The following MMP11 variants were observed in gnomAD, a reference collection of about 807,000 sequenced individuals.
The protein encoded by MMP11 is matrix metallopeptidase 11, also known as stromelysin-3.
MMP11 carries 26 observed loss-of-function variants against 49.5 expected under a neutral mutation model. That is an observed-to-expected ratio of 0.52 (90% CI 0.38 to 0.73). MMP11 has a LOEUF of 0.73. MMP11 is among the 30% of genes least tolerant of loss of function. The pLI is 0.00. For synonymous variants in MMP11, 265 were observed against 282.3 expected, an observed-to-expected ratio of 0.94 and a Z score of 0.62; for missense variants, 624 against 671.2, an observed-to-expected ratio of 0.93 and a Z score of 0.78.
chr22:23,775,432 T>A (rs1927377786), intron 1 of MMP11, among the ~76,000 whole-genome samples: 1 of 152,202 alleles, frequency 6.6e-6, no homozygotes, highest in Non-Finnish European at 1.5e-5. Context: ...AGTTAGGGCA[T>A]CTGGCCCCAG....
rs763402119 is a variant in MMP11 at position 23,781,065 on chromosome 22, G to T, written c.823G>T (p.Ala275Ser). The T allele has an allele frequency of 1.1e-5, 18 of 1,609,798 alleles. No homozygotes were observed. Among genetic ancestry groups the T allele is most frequent in the South Asian group, 6.6e-5 (6 of 91,066 alleles). Residue 275 changes from alanine (A) to serine (S), a missense_variant, in exon 5 of 8, where the codon GCT (alanine) becomes TCT (serine). Coordinates refer to ENST00000215743, the MANE Select transcript of MMP11 (RefSeq NM_005940.5). The part of the protein sequence containing the change: ...TSRTPALGPQ[A>S]GIDTNEIAPL... ...CAGGACCCCAGCCCTGGGCCCCCAGGCTGGGATAGACACCAATGAGATTGC... is the reference window on the plus strand; with the variant it reads ...CAGGACCCCAGCCCTGGGCCCCCAGTCTGGGATAGACACCAATGAGATTGC...
chr22:23,782,778 G>A (rs1213126914), intron 7 of MMP11: 2 of 514,876 alleles, frequency 3.9e-6, no homozygotes, highest in Admixed American at 3.5e-5. Context: ...CTCCTTACTG[G>A]TCTCATCCAG....
chr22:23,780,466 A>ACGAGGGCC lies in MMP11; in HGVS notation c.447_454dup (p.Arg152ProfsTer8). 1.9e-6 allele frequency: 3 copies of ACGAGGGCC among 1,614,054 alleles called. No individual in the cohort carries two copies. The highest frequency in any genetic ancestry group is 2.5e-6 in the Non-Finnish European group (3 of 1,180,040). On this transcript the variant is annotated frameshift_variant, in exon 3 of 8. Coordinates refer to ENST00000215743, the MANE Select transcript of MMP11 (RefSeq NM_005940.5). LOFTEE classifies it high-confidence loss of function. This position sits in a 1 kb window ranked among gnomAD's most constrained non-coding sequence, Gnocchi z 4.6. ...ACGCCACTCACCTTTACTGAGGTGC[A>ACGAGGGCC]CGAGGGCCGTGCTGACATCATGATC... is the stretch of plus-strand genomic sequence containing the variant.
intron 6 of MMP11, chr22:23,782,003 C>T (rs538835729): frequency 4.3e-6 from 3 of 691,484 alleles, no homozygotes; most frequent in East Asian, 2.7e-5. Flanking sequence ...TGAGAGTAAC[C>T]TCACCCGTGC....
rs1325899869 is a variant in MMP11, at chr22:23,782,396, C to G, written c.1246C>G (p.Arg416Gly). 1.9e-6 allele frequency: 3 copies of G among 1,613,824 alleles called. No individual in the cohort carries two copies. Among genetic ancestry groups the G allele is most frequent in the South Asian group, 2.2e-5 (2 of 91,082 alleles). ...RDYWRFHPSTRRVDSPVPRRA... is the reference protein window; with the variant it reads ...RDYWRFHPSTGRVDSPVPRRA... ...CTACTGGCGTTTCCACCCCAGCACC[C>G]GGCGTGTAGACAGTCCCGTGCCCCG... Residue 416 changes from arginine (R) to glycine (G), a missense_variant, in exon 7 of 8, where the codon CGG (arginine) becomes GGG (glycine). Transcript: ENST00000215743.
rs368336628 is a variant in MMP11, at chr22:23,783,395, C to T, written c.1334-16C>T. 123 of 1,613,512 alleles carry T rather than the reference C, an allele frequency of 7.6e-5. No homozygotes were observed. The African/African-American group carries it at 1.1e-3, about 15-fold the overall frequency. On this transcript the variant is annotated splice_polypyrimidine_tract_variant and intron_variant, in intron 7 of 7. Transcript: ENST00000215743. Reference sequence around the variant, plus strand: ...CAGTGTCCGCTCGCCCAGGCTTGACCACCTTCTCTTCTCAGGCTATGCCTA... The same window carrying T: ...CAGTGTCCGCTCGCCCAGGCTTGACTACCTTCTCTTCTCAGGCTATGCCTA...
rs937117899 is a variant in MMP11, at chr22:23,780,961, G to A, written c.719G>A (p.Arg240His). The A allele has an allele frequency of 1.2e-5, 20 of 1,613,634 alleles. No individual in the cohort carries two copies. Among genetic ancestry groups the A allele is most frequent in the African/African-American group, 2.7e-5 (2 of 74,916 alleles). Residue 240 changes from arginine to histidine, a missense_variant, in exon 5 of 8, where the codon CGC becomes CAC. By Grantham distance (29) the Arg-to-His change is conservative (BLOSUM62 0). Transcript: ENST00000215743. This position sits in a 1 kb window ranked among gnomAD's most constrained non-coding sequence, Gnocchi z 4.6. Reference protein sequence around the residue: ...KALMSAFYTFRYPLSLSPDDC... With the variant: ...KALMSAFYTFHYPLSLSPDDC... Reference sequence around the variant, plus strand: ...CTGATGTCCGCCTTCTACACCTTTCGCTACCCACTGAGTCTCAGCCCAGAT... The same window carrying A: ...CTGATGTCCGCCTTCTACACCTTTCACTACCCACTGAGTCTCAGCCCAGAT...
At chr22:23,782,586 C>T in intron 7 of MMP11, 103 bp downstream of exon 7, 2 of 1,393,244 alleles carry the variant, frequency 1.4e-6, no homozygotes, top group Non-Finnish European at 9.6e-7. Context: ...AAGTCTGGCT[C>T]TTCATCACAG....
At chr22:23,779,874 A>G (rs1172703537) in intron 2 of MMP11, 1 of 257,504 alleles carries the variant, frequency 3.9e-6, no homozygotes, top group African/African-American at 2.2e-5. Context: ...GGGGAGAGGC[A>G]ATAGTGGGCA....
intron 2 of MMP11, chr22:23,779,688 C>T: frequency 1.9e-6 from 1 of 529,000 alleles, no homozygotes; most frequent in Non-Finnish European, 3.4e-6. Flanking sequence ...GACGGGTGTT[C>T]AGTCACTCAG....
At position 23,783,539 on chromosome 22, in the gene MMP11, C is replaced by T. The variant is rs1267189906; in HGVS notation, c.1462C>T (p.Leu488Phe). 1.9e-6 allele frequency: 3 copies of T among 1,614,112 alleles called. No homozygotes were observed. Among genetic ancestry groups the T allele is most frequent in the Middle Eastern group, 3.3e-4 (2 of 6,082 alleles). The part of the protein sequence containing the change: ...FGCAEPANTF[L>F] ...CTGTGCCGAGCCTGCCAACACTTTC[C>T]TCTGACCATGGCTTGGATGCCCTCA... Residue 488 changes from leucine (L) to phenylalanine (F), a missense_variant, in exon 8 of 8, where the codon CTC (leucine) becomes TTC (phenylalanine). Coordinates refer to ENST00000215743, the MANE Select transcript of MMP11 (RefSeq NM_005940.5).
Position 23,783,620 on chromosome 22 carries a change from T to C in MMP11, c.*76T>C. 6.3e-7 allele frequency: 1 copy of C among 1,579,880 alleles called. No homozygotes were observed. Among genetic ancestry groups the C allele is most frequent in the South Asian group, 1.1e-5 (1 of 90,420 alleles). ...TCAGGCTAGAGACCCATGGCCATCT[T>C]TGTGGCTGTGGGCACCAGGCATGGG... On this transcript the variant is annotated 3_prime_UTR_variant, in exon 8 of 8. Transcript: ENST00000215743.
Position 23,780,342 on chromosome 22 carries a change from C to T in MMP11, c.339-17C>T, listed in dbSNP as rs1927570415. ...CTGTCCCTTCCCTGAGGCCCAGGCC[C>T]CTCCATCTCCCTCCAGGATCCTTCG... On this transcript the variant is annotated splice_polypyrimidine_tract_variant and intron_variant, in intron 2 of 7. Coordinates refer to ENST00000215743, the MANE Select transcript of MMP11 (RefSeq NM_005940.5). This position sits in a 1 kb window ranked among gnomAD's most constrained non-coding sequence, Gnocchi z 4.6. 1 of 1,612,176 alleles carries T rather than the reference C, an allele frequency of 6.2e-7. No individual in the cohort carries two copies. The highest frequency in any genetic ancestry group is 1.3e-5 in the African/African-American group (1 of 74,884).
rs1927532437 is a variant in MMP11 at position 23,779,354 on chromosome 22, C to T, written c.276C>T (p.Arg92=). ...VPDPSDGLSA[R]NRQKRFVLSG... ...ACCCATCTGATGGGCTGAGTGCCCG[C>T]AACCGACAGAAGAGGTTCGTGCTTT... The change falls in exon 2 of 8, where the codon CGC becomes CGT. Residue 92 remains arginine, a synonymous_variant. Coordinates refer to ENST00000215743, the MANE Select transcript of MMP11 (RefSeq NM_005940.5). 6.2e-7 allele frequency: 1 copy of T among 1,613,194 alleles called. No individual in the cohort carries two copies. The highest frequency in any genetic ancestry group is 1.3e-5 in the African/African-American group (1 of 75,064).
Position 23,782,349 on chromosome 22 carries a change from T to C in MMP11, c.1199T>C (p.Ile400Thr), listed in dbSNP as rs1927668297. ...ALVWGPEKNK[I>T]YFFRGRDYWR... ...GTCTGGGGTCCCGAGAAGAACAAGA[T>C]CTACTTCTTCCGAGGCAGGGACTAC... The change falls in exon 7 of 8, where the codon ATC becomes ACC. Residue 400 changes from isoleucine (I) to threonine (T), a missense_variant. Coordinates refer to ENST00000215743, the MANE Select transcript of MMP11 (RefSeq NM_005940.5). 1.9e-6 allele frequency: 3 copies of C among 1,613,812 alleles called. No homozygotes were observed. Among genetic ancestry groups the C allele is most frequent in the Non-Finnish European group, 2.5e-6 (3 of 1,180,010 alleles).
At chr22:23,775,579 G>A (rs1927382534) in intron 1 of MMP11, among the ~76,000 whole-genome samples, 1 of 152,250 alleles carries the variant, frequency 6.6e-6, no homozygotes, top group African/African-American at 2.4e-5. Context: ...AACCTCACTA[G>A]CTAGAGGCCT....
At chr22:23,779,127 TA>T in intron 1 of MMP11, 59 bp from the exon 2 acceptor site, 1 of 1,350,444 alleles carries the variant, frequency 7.4e-7, no homozygotes, top group Non-Finnish European at 1.0e-6. Context: ...GCCACATCTC[TA>T]ACTGTGGGCC....
rs551911909 is a variant in MMP11 at position 23,775,843 on chromosome 22, G to A, written c.108+2865G>A. ...AGATTCCCAAGCGTGGGAGGGGAGG[G>A]CCTACAGGGACAAGGAACAGGGCCA... On this transcript the variant is annotated intron_variant, in intron 1 of 7. Transcript: ENST00000215743. Among the ~76,000 whole-genome samples, 7 of 152,344 alleles carry A rather than the reference G, an allele frequency of 4.6e-5. No homozygotes were observed. In the South Asian group the frequency reaches 1.5e-3, roughly 32 times the overall value.
At chr22:23,778,893 T>G (rs1221793079) in intron 1 of MMP11, among the ~76,000 whole-genome samples, 1 of 152,136 alleles carries the variant, frequency 6.6e-6, no homozygotes, top group Non-Finnish European at 1.5e-5. Context: ...CCAGTCCCAG[T>G]GTGCCCCCAC....
Sources: allele counts gnomAD v4.1 joint callset (sites outside exome capture counted in the v4.1 genomes callset), GRCh38; gene constraint gnomAD v4.1.1; non-coding constraint Gnocchi (gnomAD v3.1); transcripts MANE v1.5; gene names NCBI Gene and HGNC (gene_info 2026-07-23, HGNC 2026-07-21).